The following INTS4 variants were observed in gnomAD, a reference collection of about 807,000 sequenced individuals.
INTS4 encodes MSTP093.
INTS4 carries 70 observed loss-of-function variants against 119.5 expected under a neutral mutation model. The ratio of observed to expected loss-of-function variants is 0.59; its 90% CI spans 0.48 to 0.71. The LOEUF is 0.71. INTS4 is among the 30% of genes least tolerant of loss of function. The pLI is 0.00. For synonymous variants in INTS4, 316 were observed against 419.6 expected, an observed-to-expected ratio of 0.75 and a Z score of 3.02; for missense variants, 867 against 1,173.2, an observed-to-expected ratio of 0.74 and a Z score of 3.81.
At chr11:77,895,054 A>T (rs1466205400) in intron 18 of INTS4, among the ~76,000 whole-genome samples, 1 of 152,220 alleles carries the variant, frequency 6.6e-6, no homozygotes, top group Non-Finnish European at 1.5e-5. Flanking sequence ...GGCGACAGAC[A>T]TAGATGGTGT....
intron 10 of INTS4, among the ~76,000 whole-genome samples, chr11:77,933,695 ATG>A (rs1953718215): frequency 6.7e-6 from 1 of 148,156 alleles, no homozygotes; most frequent in Non-Finnish European, 1.5e-5. Context: ...ATCATCTGGG[ATG>A]TGAGGAGCCC....
chr11:77,951,255 G>A (rs916208098), intron 8 of INTS4, among the ~76,000 whole-genome samples: 1 of 151,956 alleles, frequency 6.6e-6, no homozygotes, highest in African/African-American at 2.4e-5. Flanking sequence ...GGGATTGCTG[G>A]GTCAAATGGT....
chr11:77,981,893 G>A (rs1346390837), intron 2 of INTS4, among the ~76,000 whole-genome samples: 3 of 151,956 alleles, frequency 2.0e-5, no homozygotes, highest in Non-Finnish European at 4.4e-5. Flanking sequence ...TCCAAATACT[G>A]CAAAGTGAAT....
At chr11:77,981,797 C>A (rs1425298917) in intron 2 of INTS4, among the ~76,000 whole-genome samples, 2 of 151,292 alleles carry the variant, frequency 1.3e-5, no homozygotes, top group Non-Finnish European at 2.9e-5. Flanking sequence ...GAGTTTTAAT[C>A]TGTTGCCCAG....
At chr11:77,894,440 A>G (rs1952422746) in intron 18 of INTS4, 91 bp from the exon 19 acceptor site, 5 of 667,900 alleles carry the variant, frequency 7.5e-6, no homozygotes, top group Middle Eastern at 2.5e-4. Context: ...AAATTAAAGG[A>G]AAATTAGCAT....
At position 77,961,083 on chromosome 11, in the gene INTS4, T is replaced by C. The variant is rs1411427275; in HGVS notation, c.527A>G (p.Asn176Ser). The change falls in exon 5 of 23, where the codon AAT becomes AGT. Residue 176 changes from asparagine to serine, a missense_variant. Asn to Ser is a conservative substitution (Grantham distance 46). Around this residue, in one of 5 missense-constraint regions of INTS4, gnomAD observed 224 missense variants for 231.8 expected, o/e 0.97. Coordinates refer to ENST00000534064, the MANE Select transcript of INTS4 (RefSeq NM_033547.4). ...GACACTTTTCTCCAAAGAGCCAAGA[T>C]TGCCAAGTAACTGCAGGCACTTATT... ...VRNKCLQLLG[N>S]LGSLEKSVTK... The C allele has an allele frequency of 3.7e-6, 6 of 1,610,874 alleles. No homozygotes were observed. In the Admixed American group the frequency reaches 5.0e-5, roughly 14 times the overall value.
At chr11:77,923,926 G>A (rs1432054922) in intron 12 of INTS4, among the ~76,000 whole-genome samples, 9 of 150,486 alleles carry the variant, frequency 6.0e-5, no homozygotes, top group Admixed American at 1.3e-4. Flanking sequence ...CACTAGGCCC[G>A]GCAGATTTTT....
chr11:77,915,911 C>A (rs1163359790), intron 15 of INTS4, among the ~76,000 whole-genome samples: 1 of 152,190 alleles, frequency 6.6e-6, no homozygotes, highest in African/African-American at 2.4e-5. Context: ...AGGCAGAATG[C>A]AAGACATGGT....
intron 1 of INTS4, among the ~76,000 whole-genome samples, chr11:77,993,915 T>C (rs1856796834): frequency 6.6e-6 from 1 of 152,044 alleles, no homozygotes; most frequent in Admixed American, 6.6e-5. Flanking sequence ...ATCAGGATGA[T>C]TTAGGATCAA....
At chr11:77,879,180 G>A in intron 22 of INTS4, 53 bp from the exon 23 acceptor site, 6 of 1,588,730 alleles carry the variant, frequency 3.8e-6, no homozygotes, top group Non-Finnish European at 5.2e-6. Context: ...CTAGGAATGA[G>A]GATGAAATGT....
At chr11:77,919,072 C>T (rs1953275341) in intron 14 of INTS4, 94 bp from the exon 15 acceptor site, 1 of 1,315,214 alleles carries the variant, frequency 7.6e-7, no homozygotes, top group Non-Finnish European at 1.1e-6. Flanking sequence ...AAAACGTGAG[C>T]TAAACAAAAC....
rs187900167 is a variant in INTS4, at chr11:77,882,841, C to T, written c.2713+991G>A. ...ATCCCACTACTTTGGGAGGCCAAGG[C>T]GGGTGGATCACCTGAGGTCAGGAGT... On this transcript the variant is annotated intron_variant, in intron 22 of 22. Coordinates refer to ENST00000534064, the MANE Select transcript of INTS4 (RefSeq NM_033547.4). Among the ~76,000 whole-genome samples the T allele has an allele frequency of 3.8e-3, 585 of 152,296 alleles. 1 individual carries two copies. The highest frequency in any genetic ancestry group is 6.1e-3 in the Non-Finnish European group (412 of 68,028).
intron 3 of INTS4, 25 bp downstream of exon 3, chr11:77,981,434 A>T: frequency 8.4e-7 from 1 of 1,185,168 alleles, no homozygotes; most frequent in Non-Finnish European, 1.2e-6. Context: ...TGCTCTGACT[A>T]TAGAGCTTTT....
intron 4 of INTS4, among the ~76,000 whole-genome samples, chr11:77,967,275 G>A (rs767754181): frequency 1.2e-4 from 19 of 152,168 alleles, no homozygotes; most frequent in Non-Finnish European, 2.2e-4. Context: ...AGGTCATAAG[G>A]ATGGGACTCT....
intron 12 of INTS4, among the ~76,000 whole-genome samples, chr11:77,924,141 T>C (rs958720513): frequency 4.8e-5 from 7 of 146,794 alleles, no homozygotes; most frequent in Non-Finnish European, 1.0e-4. Flanking sequence ...ATGCCTGTAA[T>C]CCCAGCACTT....
chr11:77,980,004 G>A (rs1358550600), intron 3 of INTS4, among the ~76,000 whole-genome samples: 5 of 138,254 alleles, frequency 3.6e-5, no homozygotes, highest in Non-Finnish European at 1.5e-5. Context: ...AGAAGAAACA[G>A]AAAAAAAAAA....
At chr11:77,955,058 G>A (rs1221163634) in intron 8 of INTS4, among the ~76,000 whole-genome samples, 2 of 147,586 alleles carry the variant, frequency 1.4e-5, no homozygotes, top group African/African-American at 4.9e-5. Flanking sequence ...GAAATTCTGG[G>A]GCTGGGAGTA....
At chr11:77,929,393 A>G (rs1230489059) in intron 10 of INTS4, among the ~76,000 whole-genome samples, 2 of 152,174 alleles carry the variant, frequency 1.3e-5, no homozygotes, top group African/African-American at 4.8e-5. Context: ...TATGGCTTAA[A>G]TCTGACACCA....
chr11:77,891,894 C>A, intron 19 of INTS4, 54 bp from the exon 20 acceptor site: 1 of 1,607,136 alleles, frequency 6.2e-7, no homozygotes, highest in South Asian at 1.1e-5. Flanking sequence ...TCATTCACCA[C>A]AGGCTGGGCC....
Sources: gnomAD v4.1 joint callset for allele counts (sites outside exome capture counted in the v4.1 genomes callset) on GRCh38, gnomAD v4.1.1 for gene constraint, gnomAD v4.1.1 regional missense constraint, MANE v1.5 for transcripts, NCBI Gene and HGNC (gene_info 2026-07-23, HGNC 2026-07-21) for gene names.